The following RNF144A variants were observed in gnomAD, a reference collection of about 807,000 sequenced individuals.
The protein encoded by RNF144A is ring finger protein 144A.
Under a neutral mutation model 38.7 loss-of-function variants are expected in RNF144A, and 11 were observed. The observed-to-expected ratio is 0.28, with a 90% CI of 0.18 to 0.47. RNF144A has a LOEUF of 0.47. Ranked by LOEUF, RNF144A falls within the 20% of genes least tolerant of loss-of-function variation. The probability of loss-of-function intolerance (pLI) is 0.99; values close to 1 mark genes in which losing one functional copy is unlikely to be tolerated. For missense variants in RNF144A, 316 were observed against 377.2 expected (o/e 0.84, Z 1.34); for synonymous variants, 149 against 143.9 (o/e 1.04, Z -0.25).
intron 3 of RNF144A, among the ~76,000 whole-genome samples, chr2:6,997,690 A>T (rs1293551282): frequency 6.6e-6 from 1 of 152,170 alleles, no homozygotes; most frequent in Admixed American, 6.5e-5. Context: ...CTTTTAGTTA[A>T]TCTCATTGAA....
chr2:7,068,849 A>C (rs899348886), downstream of RNF144A, among the ~76,000 whole-genome samples: 1 of 152,200 alleles, frequency 6.6e-6, no homozygotes, highest in Non-Finnish European at 1.5e-5. Flanking sequence ...CATAGACCTG[A>C]GTATCATTGT....
intron 2 of RNF144A, among the ~76,000 whole-genome samples, chr2:6,974,847 A>C (rs1341896170): frequency 6.6e-6 from 1 of 152,196 alleles, no homozygotes; most frequent in Non-Finnish European, 1.5e-5. Flanking sequence ...AAATTAATTA[A>C]AATATTATTT....
rs1673185860 is a variant in RNF144A, at chr2:7,043,736, CCTTT to C, written c.*3977_*3980del. 12 of 985,848 alleles carry C rather than the reference CCTTT, an allele frequency of 1.2e-5. No homozygotes were observed. The highest frequency in any genetic ancestry group is 1.4e-5 in the Non-Finnish European group (12 of 829,920). The allele number at this position is 985,848 out of a possible 1,614,324, so 61.1% of individuals were successfully genotyped here. A position where few individuals can be genotyped will look rare whatever the true frequency, so the allele number is the denominator to read the frequency against. On this transcript the variant is annotated 3_prime_UTR_variant, in exon 9 of 9. Transcript: ENST00000320892. ...TAAAAAACCCAGGGTCTCCACCCTTCCTTTGATTTGTGCAATTCTGTCTTCCACA... is the reference window on the plus strand; with the variant it reads ...TAAAAAACCCAGGGTCTCCACCCTTCGATTTGTGCAATTCTGTCTTCCACA...
chr2:7,039,649 A>G lies in RNF144A; in HGVS notation c.768A>G (p.Gly256=), dbSNP rs1205945539. ...HRTQVVGIFA[G]FGLLLLVASP... is the part of the protein sequence containing the mutation. ...TCCAGGTTGTGGGCATTTTTGCAGG[A>G]TTTGGGCTGCTGCTCTTGGTGGCCT... Residue 256 remains glycine (G), a synonymous_variant, in exon 9 of 9, where the codon GGA becomes GGG. Coordinates refer to ENST00000320892, the MANE Select transcript of RNF144A (RefSeq NM_014746.6). 1 of 1,613,372 alleles carries G rather than the reference A, an allele frequency of 6.2e-7. No individual in the cohort carries two copies. The highest frequency in any genetic ancestry group is 1.1e-5 in the South Asian group (1 of 91,034).
Position 7,021,455 on chromosome 2 carries a change from C to G in RNF144A, c.509+775C>G, listed in dbSNP as rs420013. Reference sequence around the variant, plus strand: ...GACCCCTGTGCCCTGTTCTAGCCCCCGACCCTCTCAGGGTCCCTGCCACAC... The same window carrying G: ...GACCCCTGTGCCCTGTTCTAGCCCCGGACCCTCTCAGGGTCCCTGCCACAC... On this transcript the variant is annotated intron_variant, in intron 6 of 8. Coordinates refer to ENST00000320892, the MANE Select transcript of RNF144A (RefSeq NM_014746.6). Among the ~76,000 whole-genome samples, 45 of 151,842 alleles carry G rather than the reference C, an allele frequency of 3.0e-4. No homozygotes were observed. In the South Asian group the frequency reaches 7.5e-3, roughly 25 times the overall value.
At position 7,014,695 on chromosome 2, in the gene RNF144A, ATT is replaced by A. The variant is rs3215278; in HGVS notation, c.241-9_241-8del. 3.2e-6 allele frequency: 5 copies of A among 1,575,876 alleles called. No individual in the cohort carries two copies. The highest frequency in any genetic ancestry group is 1.7e-5 in the Admixed American group (1 of 58,718). ...TCAGCTTGTTATCATTCCTGTTTGCATTTTTTTTTCCCTTAGATTGAGTGCAT... is the reference window on the plus strand; with the variant it reads ...TCAGCTTGTTATCATTCCTGTTTGCATTTTTTTCCCTTAGATTGAGTGCAT... On this transcript the variant is annotated splice_polypyrimidine_tract_variant and intron_variant, in intron 4 of 8. Coordinates refer to ENST00000320892, the MANE Select transcript of RNF144A (RefSeq NM_014746.6).
At chr2:7,000,162 C>G (rs1670010919) in intron 3 of RNF144A, among the ~76,000 whole-genome samples, 1 of 152,196 alleles carries the variant, frequency 6.6e-6, no homozygotes, top group Admixed American at 6.5e-5. Flanking sequence ...TGCACATGTT[C>G]CAGGTGCTGT....
chr2:7,001,098 G>A (rs992187264), intron 3 of RNF144A, among the ~76,000 whole-genome samples: 3 of 151,696 alleles, frequency 2.0e-5, no homozygotes, highest in Non-Finnish European at 2.9e-5. Context: ...TCAGGAGTTC[G>A]AGACCAGCCT....
chr2:7,037,011 A>G (rs1180187080), intron 8 of RNF144A, among the ~76,000 whole-genome samples: 2 of 152,252 alleles, frequency 1.3e-5, no homozygotes, highest in Non-Finnish European at 2.9e-5. Flanking sequence ...TGTTCCTTTA[A>G]ATCTTAGGGT....
At chr2:7,052,184 A>G (rs1377292227) in intron 6 of RNF144A, among the ~76,000 whole-genome samples, 1 of 151,764 alleles carries the variant, frequency 6.6e-6, no homozygotes, top group Non-Finnish European at 1.5e-5. Flanking sequence ...TCTGAACCAG[A>G]AAAAAAACAA....
chr2:6,939,002 G>A (rs898021823), intron 1 of RNF144A, among the ~76,000 whole-genome samples: 4 of 151,854 alleles, frequency 2.6e-5, no homozygotes, highest in South Asian at 2.1e-4. Flanking sequence ...CATATGGGTC[G>A]TTTTCACTTT....
intron 2 of RNF144A, among the ~76,000 whole-genome samples, chr2:6,976,263 C>T (rs1298229098): frequency 6.6e-6 from 1 of 152,192 alleles, no homozygotes; most frequent in Non-Finnish European, 1.5e-5. Context: ...GCCTCCCCCA[C>T]AGGGTTTGCG....
At chr2:7,025,199 G>C (rs906448837) in intron 7 of RNF144A, among the ~76,000 whole-genome samples, 1 of 152,202 alleles carries the variant, frequency 6.6e-6, no homozygotes, top group Non-Finnish European at 1.5e-5. Context: ...CCATGTCCCT[G>C]ACGGGAGGGC....
At chr2:7,010,357 G>T (rs1670717393) in intron 3 of RNF144A, among the ~76,000 whole-genome samples, 1 of 152,194 alleles carries the variant, frequency 6.6e-6, no homozygotes, top group Admixed American at 6.5e-5. Flanking sequence ...TGTTCATGGG[G>T]CTTTTGCTGC....
chr2:6,954,589 A>G (rs547433289), intron 2 of RNF144A, among the ~76,000 whole-genome samples: 12 of 152,352 alleles, frequency 7.9e-5, no homozygotes, highest in African/African-American at 2.9e-4. Flanking sequence ...TGCTGAAGAC[A>G]TGGGTGGCCC....
chr2:6,936,160 T>C lies in RNF144A; in HGVS notation c.-211-4788T>C, dbSNP rs191922446. Among the ~76,000 whole-genome samples, 717 of 152,362 alleles carry C rather than the reference T, an allele frequency of 4.7e-3. 10 individuals carry two copies. The highest frequency in any genetic ancestry group is 0.016 in the African/African-American group (678 of 41,582). On this transcript the variant is annotated intron_variant, in intron 1 of 8. Coordinates refer to ENST00000320892, the MANE Select transcript of RNF144A (RefSeq NM_014746.6). ...CATGTTCTTTCTCCGTACATTCTCA[T>C]GTCCTGCTTGCTCATTTCATCCAGG...
intron 2 of RNF144A, among the ~76,000 whole-genome samples, chr2:6,976,783 T>C (rs1668343893): frequency 6.6e-6 from 1 of 151,366 alleles, no homozygotes; most frequent in Admixed American, 6.6e-5. Flanking sequence ...TGTACCATCA[T>C]AATGAACAGA....
intron 2 of RNF144A, among the ~76,000 whole-genome samples, chr2:6,980,390 A>G (rs1668559115): frequency 6.6e-6 from 1 of 152,254 alleles, no homozygotes; most frequent in Admixed American, 6.5e-5. Flanking sequence ...TCTAAGATAT[A>G]CTGGGGGTAC....
intron 2 of RNF144A, among the ~76,000 whole-genome samples, chr2:6,951,591 C>T (rs1226977478): frequency 1.3e-5 from 2 of 152,202 alleles, no homozygotes; most frequent in Admixed American, 6.5e-5. Context: ...CTTTCTCATC[C>T]ATGAACATCG....
Sources: allele counts gnomAD v4.1 joint callset (sites outside exome capture counted in the v4.1 genomes callset), GRCh38; gene constraint gnomAD v4.1.1; transcripts MANE v1.5; gene names NCBI Gene and HGNC (gene_info 2026-07-23, HGNC 2026-07-21).